Variants in ATP2C1 observed in about 807,000 individuals in gnomAD.
ATP2C1 encodes the protein ATPase secretory pathway Ca2+ transporting 1, also known as calcium-transporting ATPase type 2C member 1.
A neutral mutation model predicts 120.5 loss-of-function variants in ATP2C1; 31 were observed. That is an observed-to-expected ratio of 0.26 (90% CI 0.19 to 0.35). The LOEUF is 0.35. Among genes scored for constraint, ATP2C1 ranks in the 10% least tolerant of loss-of-function variants. The pLI, the probability that ATP2C1 is intolerant of heterozygous loss-of-function variation, is 1.00. For missense variants in ATP2C1, 731 were observed against 1,107.5 expected, an observed-to-expected ratio of 0.66 and a Z score of 4.83; for synonymous variants, 351 against 358.7, an observed-to-expected ratio of 0.98 and a Z score of 0.24.
chr3:130,890,811 G>A (rs1048928658), upstream of ATP2C1, among the ~76,000 whole-genome samples: 3 of 152,172 alleles, frequency 2.0e-5, no homozygotes, highest in Non-Finnish European at 4.4e-5. Context: ...TTCTAAACTT[G>A]ACATTTAGCA....
chr3:130,911,149 A>G (rs891627035), intron 2 of ATP2C1, among the ~76,000 whole-genome samples: 12 of 144,932 alleles, frequency 8.3e-5, no homozygotes, highest in African/African-American at 2.5e-4. Context: ...CTATTCAGAG[A>G]TTCAACTTCT....
chr3:130,965,656 C>T (rs2061017738), intron 14 of ATP2C1, among the ~76,000 whole-genome samples: 2 of 152,026 alleles, frequency 1.3e-5, no homozygotes. Context: ...CACAATTATT[C>T]CTACTTTAAG....
intron 2 of ATP2C1, among the ~76,000 whole-genome samples, chr3:130,926,384 T>C (rs1020705071): frequency 2.6e-5 from 4 of 152,134 alleles, no homozygotes; most frequent in Non-Finnish European, 2.9e-5. Flanking sequence ...GCAAAACTAC[T>C]CCAATGAGGA....
chr3:130,995,295 G>A (rs1370356333), intron 22 of ATP2C1, among the ~76,000 whole-genome samples: 2 of 151,884 alleles, frequency 1.3e-5, no homozygotes, highest in African/African-American at 4.8e-5. Context: ...TGAGCCTGTG[G>A]TCTCAGCTAC....
chr3:130,988,703 A>G (rs971694133), intron 20 of ATP2C1, among the ~76,000 whole-genome samples: 1 of 152,196 alleles, frequency 6.6e-6, no homozygotes, highest in African/African-American at 2.4e-5. Context: ...AGAATAGGGA[A>G]TTAGGGTAAT....
At chr3:131,013,650 C>G (rs2063431513) in intron 26 of ATP2C1, among the ~76,000 whole-genome samples, 1 of 152,208 alleles carries the variant, frequency 6.6e-6, no homozygotes, top group Non-Finnish European at 1.5e-5. Context: ...TTTCATTGGC[C>G]AGACTTCATA....
chr3:130,885,146 C>G (rs1421757217), intron 1 of ATP2C1, among the ~76,000 whole-genome samples: 2 of 151,944 alleles, frequency 1.3e-5, no homozygotes, highest in East Asian at 1.9e-4. Context: ...GTTGGCCAGG[C>G]TGGTCTCAAA....
At chr3:130,911,128 C>T (rs1469355355) in intron 2 of ATP2C1, among the ~76,000 whole-genome samples, 1 of 149,048 alleles carries the variant, frequency 6.7e-6, no homozygotes, top group African/African-American at 2.5e-5. Flanking sequence ...ATTTCAGCTC[C>T]TGTTATTGGT....
At chr3:131,000,593 T>C (rs999575264) in intron 27 of ATP2C1, among the ~76,000 whole-genome samples, 2 of 152,030 alleles carry the variant, frequency 1.3e-5, no homozygotes, top group Non-Finnish European at 2.9e-5. Flanking sequence ...GGCTGTGTGA[T>C]CTATGAAATA....
Position 130,894,164 on chromosome 3 carries a change from C to CCCCCCCAAA in ATP2C1, c.-352_-351insCCCCAAACC. 1.2e-6 allele frequency: 1 copy of CCCCCCCAAA among 800,532 alleles called. No individual in the cohort carries two copies. Among genetic ancestry groups the CCCCCCCAAA allele is most frequent in the Non-Finnish European group, 1.5e-6 (1 of 661,220 alleles). The allele number at this position is 800,532 out of a possible 1,614,324, so 49.6% of individuals were successfully genotyped here. A position where few individuals can be genotyped will look rare whatever the true frequency, so the allele number is the denominator to read the frequency against. The stretch of plus-strand genomic sequence containing the variant: ...TCCTCTTCTCTCCCCTCCCCGCCCG[C>CCCCCCCAAA]CCTCTCTCCCTCCCTTCCTCCCTCC... On this transcript the variant is annotated 5_prime_UTR_variant, in exon 1 of 28. Transcript: ENST00000510168. The surrounding 1 kb of genome is among the most constrained non-coding windows in gnomAD (Gnocchi z 4.5).
At chr3:131,016,694 C>G, downstream of ATP2C1, 2 of 328,234 alleles carry the variant, frequency 6.1e-6, no homozygotes, top group South Asian at 5.4e-5. Context: ...ATTCTCTTTA[C>G]TGTTCTCTTT....
chr3:130,940,539 GA>G, intron 6 of ATP2C1, 90 bp from the exon 7 acceptor site: 1 of 877,818 alleles, frequency 1.1e-6, no homozygotes, highest in Non-Finnish European at 1.9e-6. Flanking sequence ...AGAATTGGGG[GA>G]AATTTTAAAA....
chr3:130,936,739 C>T (rs1366992557), intron 5 of ATP2C1, among the ~76,000 whole-genome samples: 2 of 151,288 alleles, frequency 1.3e-5, no homozygotes, highest in Non-Finnish European at 2.9e-5. Context: ...ATGGCGTGAA[C>T]CCCGGAGGCG....
chr3:130,955,895 T>G (rs1473212459), intron 10 of ATP2C1: 1 of 488,582 alleles, frequency 2.0e-6, no homozygotes, highest in Admixed American at 3.3e-5. Flanking sequence ...TTTTTAAAAA[T>G]AGAGAATTTC....
chr3:130,929,319 A>T (rs2059356221), intron 2 of ATP2C1, among the ~76,000 whole-genome samples: 1 of 152,174 alleles, frequency 6.6e-6, no homozygotes. Context: ...TTTTTTCCTC[A>T]GCAATTTACT....
Position 130,894,143 on chromosome 3 carries a change from C to G in ATP2C1, c.-375C>G. 1.1e-6 allele frequency: 1 copy of G among 897,292 alleles called. No homozygotes were observed. The highest frequency in any genetic ancestry group is 1.3e-6 in the Non-Finnish European group (1 of 749,614). 55.6% of individuals were successfully genotyped at this position (897,292 alleles called of 1,614,324 possible). On this transcript the variant is annotated 5_prime_UTR_variant, in exon 1 of 28. Coordinates refer to ENST00000510168, the MANE Select transcript of ATP2C1 (RefSeq NM_001378687.1). This position sits in a 1 kb window ranked among gnomAD's most constrained non-coding sequence, Gnocchi z 4.5. Reference sequence around the variant, plus strand: ...ACCGTGACGGGTCCCCTCACCTCCTCTTCTCTCCCCTCCCCGCCCGCCCTC... The same window carrying G: ...ACCGTGACGGGTCCCCTCACCTCCTGTTCTCTCCCCTCCCCGCCCGCCCTC...
intron 20 of ATP2C1, among the ~76,000 whole-genome samples, chr3:130,991,946 A>G (rs1206554792): frequency 6.6e-6 from 1 of 152,248 alleles, no homozygotes; most frequent in African/African-American, 2.4e-5. Flanking sequence ...GAGAAAACTA[A>G]TATGAACTAA....
intron 26 of ATP2C1, chr3:131,015,144 A>G: frequency 7.2e-6 from 5 of 690,122 alleles, no homozygotes; most frequent in South Asian, 1.5e-5. Context: ...GCCCAGAGAT[A>G]TATTAACAAC....
At chr3:130,884,683 G>A (rs1677738004) in intron 1 of ATP2C1, among the ~76,000 whole-genome samples, 1 of 152,174 alleles carries the variant, frequency 6.6e-6, no homozygotes, top group Admixed American at 6.5e-5. Context: ...GGGTGCTCCA[G>A]TGTTAGGTAC....
Sources: gnomAD v4.1 joint callset for allele counts (sites outside exome capture counted in the v4.1 genomes callset) on GRCh38, gnomAD v4.1.1 for gene constraint, Gnocchi (gnomAD v3.1) non-coding constraint, MANE v1.5 for transcripts, NCBI Gene and HGNC (gene_info 2026-07-23, HGNC 2026-07-21) for gene names.